Variants in AUTS2 observed in about 807,000 individuals in gnomAD.
The protein encoded by AUTS2 is autism susceptibility gene 2 protein.
In AUTS2, 17 loss-of-function variants were observed where a neutral mutation model predicts 112.4. The ratio of observed to expected loss-of-function variants is 0.15; its 90% confidence interval spans 0.10 to 0.23. The LOEUF (loss-of-function observed/expected upper bound fraction) is 0.23. AUTS2 is among the 10% of genes least tolerant of loss of function. The pLI is 1.00. For synonymous variants in AUTS2, 751 were observed against 702.7 expected (o/e 1.07, Z -1.09); for missense variants, 1,510 against 1,701.6 (o/e 0.89, Z 1.98).
At chr7:69,929,262 T>G in intron 2 of AUTS2, among the ~76,000 whole-genome samples, 1 of 152,086 alleles carries the variant, frequency 6.6e-6, no homozygotes, top group Admixed American at 6.5e-5. Flanking sequence ...ATGTAACTTG[T>G]CTTTTTTTTT....
At chr7:70,214,019 A>T (rs1811052599) in intron 4 of AUTS2, among the ~76,000 whole-genome samples, 1 of 152,182 alleles carries the variant, frequency 6.6e-6, no homozygotes. Context: ...AGCACTTTTG[A>T]AAGGCTGGTT....
chr7:70,351,698 T>G (rs969765473), intron 4 of AUTS2, among the ~76,000 whole-genome samples: 1 of 152,104 alleles, frequency 6.6e-6, no homozygotes, highest in Non-Finnish European at 1.5e-5. Flanking sequence ...TTTCTTTTTC[T>G]TTTTTCTTTT....
At chr7:70,419,397 C>G (rs893580985) in intron 4 of AUTS2, among the ~76,000 whole-genome samples, 1 of 142,210 alleles carries the variant, frequency 7.0e-6, no homozygotes, top group African/African-American at 2.7e-5. Flanking sequence ...CTCCTTCTTT[C>G]ACTGTAAAAT....
chr7:69,825,193 T>C (rs963556676), intron 1 of AUTS2, among the ~76,000 whole-genome samples: 5 of 152,220 alleles, frequency 3.3e-5, no homozygotes, highest in Non-Finnish European at 5.9e-5. Flanking sequence ...TCTTCTGTTA[T>C]GCATTACTGC....
At chr7:70,273,471 TTTA>T (rs71077642) in intron 4 of AUTS2, among the ~76,000 whole-genome samples, 102 of 150,650 alleles carry the variant, frequency 6.8e-4, no homozygotes, top group African/African-American at 2.2e-3. Context: ...ACCTATAGCT[TTTA>T]TTATTATTAT....
chr7:70,167,732 T>G (rs953436381), intron 4 of AUTS2, among the ~76,000 whole-genome samples: 1 of 152,214 alleles, frequency 6.6e-6, no homozygotes, highest in Non-Finnish European at 1.5e-5. Context: ...ACAACAGACT[T>G]AAACTAGAAC....
At chr7:69,830,149 A>G (rs1791436922) in intron 1 of AUTS2, among the ~76,000 whole-genome samples, 1 of 152,208 alleles carries the variant, frequency 6.6e-6, no homozygotes. Flanking sequence ...AAAACCAAAC[A>G]GCGCATGTTC....
chr7:70,458,182 A>G (rs1796821412), intron 5 of AUTS2, among the ~76,000 whole-genome samples: 1 of 152,194 alleles, frequency 6.6e-6, no homozygotes, highest in Non-Finnish European at 1.5e-5. Context: ...CTCAGCCTGG[A>G]GTGGCCCACA....
At chr7:70,313,207 G>A (rs1446791980) in intron 4 of AUTS2, among the ~76,000 whole-genome samples, 1 of 152,182 alleles carries the variant, frequency 6.6e-6, no homozygotes, top group Non-Finnish European at 1.5e-5. Context: ...GGTTAGACTT[G>A]ATGGCAGTTT....
chr7:69,839,034 T>C (rs772053748), intron 1 of AUTS2, among the ~76,000 whole-genome samples: 11 of 152,158 alleles, frequency 7.2e-5, no homozygotes, highest in Non-Finnish European at 1.2e-4. Context: ...GGGGGCAAAC[T>C]ATGAAGCTTT....
At chr7:70,554,275 G>A (rs1408972808) in intron 5 of AUTS2, among the ~76,000 whole-genome samples, 6 of 150,086 alleles carry the variant, frequency 4.0e-5, no homozygotes, top group Admixed American at 2.0e-4. Context: ...CACCATGTTG[G>A]CCAGGCTGGT....
chr7:69,708,179 G>T (rs1050417399), intron 1 of AUTS2, among the ~76,000 whole-genome samples: 1 of 152,118 alleles, frequency 6.6e-6, no homozygotes, highest in Admixed American at 6.5e-5. Context: ...AGCTTACCAA[G>T]CCCAGTGTGA....
intron 2 of AUTS2, among the ~76,000 whole-genome samples, chr7:70,087,872 C>A (rs976993763): frequency 6.6e-6 from 1 of 152,108 alleles, no homozygotes; most frequent in African/African-American, 2.4e-5. Flanking sequence ...ATTTTAAACT[C>A]CAAATTCAAT....
chr7:69,972,844 T>G (rs1237137326), intron 2 of AUTS2, among the ~76,000 whole-genome samples: 3 of 152,178 alleles, frequency 2.0e-5, no homozygotes, highest in African/African-American at 7.2e-5. Context: ...ATTCCTCAAT[T>G]GATTTAATGT....
rs1429315420 is a variant in AUTS2, at chr7:70,694,439, C to G, written c.691-4130C>G. The G allele has an allele frequency of 6.7e-6, 1 of 148,524 alleles. No individual in the cohort carries two copies. Among genetic ancestry groups the G allele is most frequent in the African/African-American group, 2.4e-5 (1 of 40,912 alleles). The allele number at this position is 148,524 out of a possible 1,614,324, so 9.2% of individuals were successfully genotyped here. ...GCAGCCCGCGGCGCGGCTGGAGAGG[C>G]GGGACCGGCTGTCGGGGAGCCCCGG... On this transcript the variant is annotated intron_variant, in intron 5 of 18. Coordinates refer to ENST00000342771, the MANE Select transcript of AUTS2 (RefSeq NM_015570.4). This position sits in a 1 kb window ranked among gnomAD's most constrained non-coding sequence, Gnocchi z 4.1.
intron 5 of AUTS2, among the ~76,000 whole-genome samples, chr7:70,612,564 C>A (rs1804150293): frequency 6.6e-6 from 1 of 152,028 alleles, no homozygotes; most frequent in Admixed American, 6.6e-5. Flanking sequence ...GTAAGTCCAA[C>A]AAGACCTACC....
At chr7:69,937,377 G>C (rs541859069) in intron 2 of AUTS2, among the ~76,000 whole-genome samples, 2 of 152,286 alleles carry the variant, frequency 1.3e-5, no homozygotes, top group South Asian at 2.1e-4. Context: ...CTTTTGTTCT[G>C]ATCCATGGAA....
chr7:70,782,850 A>G (rs1791181682), intron 15 of AUTS2: 1 of 152,144 alleles, frequency 6.6e-6, no homozygotes, highest in African/African-American at 2.4e-5. Context: ...ACTGCAAGAA[A>G]TCATCATTAT....
intron 1 of AUTS2, among the ~76,000 whole-genome samples, chr7:69,711,189 T>TA (rs1475327380): frequency 1.3e-5 from 2 of 152,160 alleles, no homozygotes; most frequent in Admixed American, 1.3e-4. Context: ...GCACTTGGCT[T>TA]ATGTGGTTCT....
Sources: gnomAD v4.1 joint callset for allele counts (sites outside exome capture counted in the v4.1 genomes callset) on GRCh38, gnomAD v4.1.1 for gene constraint, Gnocchi (gnomAD v3.1) non-coding constraint, MANE v1.5 for transcripts, NCBI Gene and HGNC (gene_info 2026-07-23, HGNC 2026-07-21) for gene names.